Variants in GPRIN1 observed in about 807,000 individuals in gnomAD.
GPRIN1 encodes G protein-regulated inducer of neurite outgrowth 1.
In GPRIN1, 4 loss-of-function variants were observed where a neutral mutation model predicts 2.8. The observed-to-expected ratio is 1.45, with a 90% CI of 0.71 to 3.32. GPRIN1 has a LOEUF of 3.32. GPRIN1 is among the 30% of genes most tolerant of loss of function. The pLI, the probability that GPRIN1 is intolerant of heterozygous loss-of-function variation, is 0.01. For synonymous variants in GPRIN1, 589 were observed against 589.9 expected (o/e 1.00, Z 0.02); for missense variants, 1,322 against 1,343.4 (o/e 0.98, Z 0.25).
Position 176,596,828 on chromosome 5 carries a change from C to G in GPRIN1, c.3007G>C (p.Ala1003Pro). 1 of 1,415,240 alleles carries G rather than the reference C, an allele frequency of 7.1e-7. No homozygotes were observed. Among genetic ancestry groups the G allele is most frequent in the Non-Finnish European group, 9.2e-7 (1 of 1,082,274 alleles). The allele number at this position is 1,415,240 out of a possible 1,614,324, so 87.7% of individuals were successfully genotyped here. Residue 1003 changes from alanine to proline, a missense_variant, in exon 2 of 2, where the codon GCG (alanine) becomes CCG (proline). Physicochemically the swap from Ala to Pro is conservative, Grantham distance 27 (BLOSUM62 -1). This residue lies in a region of GPRIN1 where 196 missense variants were observed against 189.2 expected (regional missense o/e 1.04). Transcript: ENST00000303991. The surrounding 1 kb of genome is among the most constrained non-coding windows in gnomAD (Gnocchi z 5.2). The part of the protein sequence containing the change: ...SVRRPRCCSR[A>P]GPTAE ...GCAGATCACTCGGCCGTGGGTCCCG[C>G]CCGCGAGCAGCACCGCGGCCGGCGC...
Position 176,599,152 on chromosome 5 carries a change from A to G in GPRIN1, c.683T>C (p.Val228Ala). The stretch of plus-strand genomic sequence containing the variant: ...CCCAGGATCCTCCTTCCTCGGTGAC[A>G]CTGTATACGTCTTGCTGGAGCACAA... ...DPLCSSKTYT[V>A]SPRKEDPGSL... is the part of the protein sequence containing the mutation. Residue 228 changes from valine (V) to alanine (A), a missense_variant, in exon 2 of 2, where the codon GTG becomes GCG. Physicochemically the swap from Val to Ala is moderately conservative, Grantham distance 64 (BLOSUM62 0). Around this residue, in one of 3 missense-constraint regions of GPRIN1, gnomAD observed 1,117 missense variants for 1,128.6 expected, o/e 0.99. Coordinates refer to ENST00000303991, the MANE Select transcript of GPRIN1 (RefSeq NM_052899.3). 1.2e-6 allele frequency: 2 copies of G among 1,613,412 alleles called. No individual in the cohort carries two copies. Among genetic ancestry groups the G allele is most frequent in the Non-Finnish European group, 1.7e-6 (2 of 1,179,630 alleles).
chr5:176,608,879 C>A (rs1759265786), intron 1 of GPRIN1, among the ~76,000 whole-genome samples: 1 of 152,258 alleles, frequency 6.6e-6, no homozygotes, highest in African/African-American at 2.4e-5. Context: ...CCAACAAAGG[C>A]TTGAGGGACT....
chr5:176,596,961 C>T lies in GPRIN1; in HGVS notation c.2874G>A (p.Pro958=), dbSNP rs767624829. 8 of 1,329,424 alleles carry T rather than the reference C, an allele frequency of 6.0e-6. 1 individual carries two copies. Among genetic ancestry groups the T allele is most frequent in the African/African-American group, 3.0e-5 (2 of 65,842 alleles). The allele number at this position is 1,329,424 out of a possible 1,614,324, so 82.4% of individuals were successfully genotyped here. ...EHGRQGAPAP[P]PAARAGPGRS... is the part of the protein sequence containing the mutation. ...GGCCGGGGCCGGCACGGGCGGCGGG[C>T]GGCGGCGCGGGCGCCCCTTGGCGGC... The change falls in exon 2 of 2, where the codon CCG becomes CCA. Residue 958 remains proline (P), a synonymous_variant. Coordinates refer to ENST00000303991, the MANE Select transcript of GPRIN1 (RefSeq NM_052899.3). This position sits in a 1 kb window ranked among gnomAD's most constrained non-coding sequence, Gnocchi z 5.2.
rs1487093763 is a variant in GPRIN1 at position 176,598,715 on chromosome 5, G to C, written c.1120C>G (p.Leu374Val). The C allele has an allele frequency of 6.2e-7, 1 of 1,613,944 alleles. No homozygotes were observed. The highest frequency in any genetic ancestry group is 8.5e-7 in the Non-Finnish European group (1 of 1,180,054). Residue 374 changes from leucine (L) to valine (V), a missense_variant, in exon 2 of 2, where the codon CTG (leucine) becomes GTG (valine). By Grantham distance (32) the Leu-to-Val change is conservative. This residue lies in a region of GPRIN1 where 1,117 missense variants were observed against 1,128.6 expected (regional missense o/e 0.99). Transcript: ENST00000303991. Reference protein sequence around the residue: ...VPATKEDSRFLGKMDPASSGE... With the variant: ...VPATKEDSRFVGKMDPASSGE... ...GAGGAGGCAGGGTCCATCTTTCCCA[G>C]GAACCGGGAGTCCTCTTTTGTGGCA...
At chr5:176,603,301 G>C (rs1759174870) in intron 1 of GPRIN1, among the ~76,000 whole-genome samples, 1 of 152,022 alleles carries the variant, frequency 6.6e-6, no homozygotes, top group East Asian at 1.9e-4. Context: ...TCTTCTGGAG[G>C]AATCTCTCCC....
At position 176,598,399 on chromosome 5, in the gene GPRIN1, A is replaced by T; in HGVS notation, c.1436T>A (p.Val479Glu). The change falls in exon 2 of 2, where the codon GTG becomes GAG. Residue 479 changes from valine (V) to glutamate (E), a missense_variant. By Grantham distance (121) the Val-to-Glu change is moderately radical. Transcript: ENST00000303991. Reference sequence around the variant, plus strand: ...TGTCTTTCCTGAAGACTCAGGATTCACTTTTTCAGATGATGTCTTTCTACT... The same window carrying T: ...TGTCTTTCCTGAAGACTCAGGATTCTCTTTTTCAGATGATGTCTTTCTACT... The part of the protein sequence containing the change: ...AGSRKTSSEK[V>E]NPESSGKTNP... 2.5e-6 allele frequency: 4 copies of T among 1,613,984 alleles called. No individual in the cohort carries two copies. The highest frequency in any genetic ancestry group is 3.4e-6 in the Non-Finnish European group (4 of 1,179,974).
At position 176,598,291 on chromosome 5, in the gene GPRIN1, G is replaced by A. The variant is rs772230473; in HGVS notation, c.1544C>T (p.Thr515Met). The A allele has an allele frequency of 2.0e-5, 32 of 1,613,708 alleles. No homozygotes were observed. In the South Asian group the frequency reaches 3.4e-4, roughly 17 times the overall value. The change falls in exon 2 of 2, where the codon ACG becomes ATG. Residue 515 changes from threonine (T) to methionine (M), a missense_variant. Thr to Met is a moderately conservative substitution (Grantham distance 81). Around this residue, in one of 3 missense-constraint regions of GPRIN1, gnomAD observed 1,117 missense variants for 1,128.6 expected, o/e 0.99. Transcript: ENST00000303991. ...GGACAGGGGATCTCCTTTTCCCCCC[G>A]TCGCTGGCTCAGCCTTTACTGCAGA... is the stretch of plus-strand genomic sequence containing the variant. ...PPSAVKAEPA[T>M]GGKGDPLSSE...
At chr5:176,608,824 C>T (rs558368980) in intron 1 of GPRIN1, among the ~76,000 whole-genome samples, 1 of 152,278 alleles carries the variant, frequency 6.6e-6, no homozygotes, top group Admixed American at 6.5e-5. Flanking sequence ...TAAACAGGGC[C>T]AGAACTGCCA....
chr5:176,596,922 C>G lies in GPRIN1; in HGVS notation c.2913G>C (p.Val971=). Residue 971 remains valine (V), a synonymous_variant, in exon 2 of 2, where the codon GTG becomes GTC. Transcript: ENST00000303991. This position sits in a 1 kb window ranked among gnomAD's most constrained non-coding sequence, Gnocchi z 5.2. ...CGGCGCCATCTGGGGGCGCGGTGCG[C>G]ACCGAGCCCGAACGGCCGGGGCCGG... The part of the protein sequence containing the change: ...ARAGPGRSGS[V]RTAPPDGAAK... 1.6e-6 allele frequency: 2 copies of G among 1,220,698 alleles called. No homozygotes were observed. Among genetic ancestry groups the G allele is most frequent in the Non-Finnish European group, 2.0e-6 (2 of 981,934 alleles). 75.6% of individuals were successfully genotyped at this position (1,220,698 alleles called of 1,614,324 possible). A position where few individuals can be genotyped will look rare whatever the true frequency, so the allele number is the denominator to read the frequency against.
At position 176,597,129 on chromosome 5, in the gene GPRIN1, C is replaced by A; in HGVS notation, c.2706G>T (p.Ala902=). 1.4e-6 allele frequency: 2 copies of A among 1,465,502 alleles called. No individual in the cohort carries two copies. The highest frequency in any genetic ancestry group is 1.4e-5 in the South Asian group (1 of 73,792). The allele number at this position is 1,465,502 out of a possible 1,614,324, so 90.8% of individuals were successfully genotyped here. ...RPGSALAAAV[A]PPEPAEPVRD... The stretch of plus-strand genomic sequence containing the variant: ...GCACGGGCTCAGCCGGCTCCGGGGG[C>A]GCTACAGCGGCCGCCAGCGCTGAGC... Residue 902 remains alanine (A), a synonymous_variant, in exon 2 of 2, where the codon GCG becomes GCT. Transcript: ENST00000303991. The surrounding 1 kb of genome is among the most constrained non-coding windows in gnomAD (Gnocchi z 6.1).
intron 1 of GPRIN1, among the ~76,000 whole-genome samples, chr5:176,605,136 C>G (rs1759205264): frequency 6.6e-6 from 1 of 151,216 alleles, no homozygotes; most frequent in East Asian, 1.9e-4. Context: ...CTCTGTCACC[C>G]AGGCTGGAGT....
At chr5:176,606,307 C>A (rs1048256114) in intron 1 of GPRIN1, among the ~76,000 whole-genome samples, 1 of 152,162 alleles carries the variant, frequency 6.6e-6, no homozygotes, top group Non-Finnish European at 1.5e-5. Flanking sequence ...AGCTGTGCTC[C>A]CAGGAGGGGG....
intron 1 of GPRIN1, among the ~76,000 whole-genome samples, chr5:176,608,741 G>C (rs554832639): frequency 6.6e-6 from 1 of 152,296 alleles, no homozygotes; most frequent in East Asian, 1.9e-4. Flanking sequence ...TGCCCATTCA[G>C]GCCACAGAGA....
Position 176,598,290 on chromosome 5 carries a change from C to T in GPRIN1, c.1545G>A (p.Thr515=), listed in dbSNP as rs17854762. ...PPSAVKAEPA[T]GGKGDPLSSE... ...AGGACAGGGGATCTCCTTTTCCCCC[C>T]GTCGCTGGCTCAGCCTTTACTGCAG... The change falls in exon 2 of 2, where the codon ACG becomes ACA. Residue 515 remains threonine, a synonymous_variant. Coordinates refer to ENST00000303991, the MANE Select transcript of GPRIN1 (RefSeq NM_052899.3). 2.7e-5 allele frequency: 43 copies of T among 1,613,768 alleles called. No homozygotes were observed. The highest frequency in any genetic ancestry group is 1.6e-4 in the Middle Eastern group (1 of 6,062).
rs1759073707 is a variant in GPRIN1, at chr5:176,597,817, C to T, written c.2018G>A (p.Gly673Glu). The T allele has an allele frequency of 1.2e-6, 2 of 1,609,742 alleles. No homozygotes were observed. Among genetic ancestry groups the T allele is most frequent in the South Asian group, 2.2e-5 (2 of 90,686 alleles). ...AAGGGGCTCTGCTTTTCTGCAGGAT[C>T]CAGGATCCACCTTCTCTGAGGCCTG... Reference protein sequence around the residue: ...TPQASEKVDPGSCRKAEPLAS... With the variant: ...TPQASEKVDPESCRKAEPLAS... Residue 673 changes from glycine (G) to glutamate (E), a missense_variant, in exon 2 of 2, where the codon GGA becomes GAA. By Grantham distance (98) the Gly-to-Glu change is moderately conservative. Transcript: ENST00000303991. The surrounding 1 kb of genome is among the most constrained non-coding windows in gnomAD (Gnocchi z 6.1).
rs780526273 is a variant in GPRIN1, at chr5:176,596,095, A to ACT, written c.*711_*712dup. The ACT allele has an allele frequency of 1.3e-5, 2 of 155,554 alleles. No individual in the cohort carries two copies. The highest frequency in any genetic ancestry group is 2.8e-5 in the Non-Finnish European group (2 of 70,888). The allele number at this position is 155,554 out of a possible 1,614,324, so 9.6% of individuals were successfully genotyped here. Reference sequence around the variant, plus strand: ...CCTGAGACCCTCTGGCCTTTCTGTGACTCTCTCTCAGCTGAGCCCCCAGGG... The same window carrying ACT: ...CCTGAGACCCTCTGGCCTTTCTGTGACTCTCTCTCTCAGCTGAGCCCCCAGGG... On this transcript the variant is annotated 3_prime_UTR_variant, in exon 2 of 2. Coordinates refer to ENST00000303991, the MANE Select transcript of GPRIN1 (RefSeq NM_052899.3). This position sits in a 1 kb window ranked among gnomAD's most constrained non-coding sequence, Gnocchi z 5.2.
Position 176,598,008 on chromosome 5 carries a change from C to A in GPRIN1, c.1827G>T (p.Leu609=). ...EAIPEGKVGS[L]PLEKGSPVTT... ...TAACAGGACTCCCCTTCTCTAGAGG[C>A]AGAGAACCCACTTTTCCCTCTGGGA... The change falls in exon 2 of 2, where the codon CTG becomes CTT. Residue 609 remains leucine (L), a synonymous_variant. Coordinates refer to ENST00000303991, the MANE Select transcript of GPRIN1 (RefSeq NM_052899.3). 6.2e-7 allele frequency: 1 copy of A among 1,614,062 alleles called. No homozygotes were observed. The highest frequency in any genetic ancestry group is 2.2e-5 in the East Asian group (1 of 44,864).
Position 176,599,464 on chromosome 5 carries a change from G to C in GPRIN1, c.371C>G (p.Thr124Ser), listed in dbSNP as rs1759112725. The C allele has an allele frequency of 6.2e-7, 1 of 1,613,978 alleles. No homozygotes were observed. Among genetic ancestry groups the C allele is most frequent in the Non-Finnish European group, 8.5e-7 (1 of 1,179,904 alleles). ...CACAGGCTCTGGCTTCCCAGACGTG[G>C]TGGCTTCTGGTGTCCCTGAGATGGA... ...GASISGTPEA[T>S]TSGKPEPVSS... The change falls in exon 2 of 2, where the codon ACC becomes AGC. Residue 124 changes from threonine (T) to serine (S), a missense_variant. Thr to Ser is a moderately conservative substitution (Grantham distance 58). This residue lies in a region of GPRIN1 where 1,117 missense variants were observed against 1,128.6 expected (regional missense o/e 0.99). Transcript: ENST00000303991.
In GPRIN1 at chr5:176,598,216, G is replaced by A; in HGVS notation, c.1619C>T (p.Ser540Leu). Residue 540 changes from serine (S) to leucine (L), a missense_variant, in exon 2 of 2, where the codon TCA (serine) becomes TTA (leucine). Ser to Leu is a moderately radical substitution (Grantham distance 145). Around this residue, in one of 3 missense-constraint regions of GPRIN1, gnomAD observed 1,117 missense variants for 1,128.6 expected, o/e 0.99. Coordinates refer to ENST00000303991, the MANE Select transcript of GPRIN1 (RefSeq NM_052899.3). ...VASGKAAPTA[S>L]GKAEPLAVGK... ...CACCGCGAGGGGCTCGGCCTTCCCT[G>A]AGGCTGTGGGAGCCGCCTTTCCAGA... 6.2e-7 allele frequency: 1 copy of A among 1,612,472 alleles called. No individual in the cohort carries two copies.
Sources: gnomAD v4.1 joint callset for allele counts (sites outside exome capture counted in the v4.1 genomes callset) on GRCh38, gnomAD v4.1.1 for gene constraint, gnomAD v4.1.1 regional missense constraint, Gnocchi (gnomAD v3.1) non-coding constraint, MANE v1.5 for transcripts, NCBI Gene and HGNC (gene_info 2026-07-23, HGNC 2026-07-21) for gene names.